The following STK3 variants were observed in gnomAD, a reference collection of about 807,000 sequenced individuals.
STK3 encodes serine/threonine kinase 3.
In STK3, 41 loss-of-function variants were observed where a neutral mutation model predicts 58.0. The observed-to-expected ratio is 0.71, with a 90% CI of 0.55 to 0.92. The LOEUF is 0.92. Among genes scored for constraint, STK3 ranks in the 40% least tolerant of loss-of-function variants. STK3 has a pLI of 0.00. For missense variants in STK3, 479 were observed against 602.7 expected, an observed-to-expected ratio of 0.79 and a Z score of 2.15; for synonymous variants, 170 against 191.0, an observed-to-expected ratio of 0.89 and a Z score of 0.91.
intron 8 of STK3, among the ~76,000 whole-genome samples, chr8:98,563,928 A>T (rs746040763): frequency 6.6e-6 from 1 of 152,138 alleles, no homozygotes; most frequent in Non-Finnish European, 1.5e-5. Flanking sequence ...ATCCTCAAGA[A>T]AGTGGAGAAT....
At chr8:98,844,847 G>A (rs1156456100) in intron 3 of STK3, among the ~76,000 whole-genome samples, 1 of 152,214 alleles carries the variant, frequency 6.6e-6, no homozygotes, top group Non-Finnish European at 1.5e-5. Context: ...TTCTAAATAT[G>A]CACTGGGGCA....
intron 1 of STK3, among the ~76,000 whole-genome samples, chr8:98,797,151 G>A (rs909462584): frequency 3.9e-5 from 6 of 152,208 alleles, no homozygotes; most frequent in Non-Finnish European, 7.3e-5. Context: ...GTTTACAGCA[G>A]CTACACTCAT....
intron 1 of STK3, among the ~76,000 whole-genome samples, chr8:98,792,896 A>ATGTGTGTGTGTGTG (rs34465301): frequency 3.2e-4 from 46 of 145,758 alleles, no homozygotes; most frequent in African/African-American, 1.2e-3. Flanking sequence ...AAGAGACTGT[A>ATGTGTGTGTGTGTG]TGTGTGTGTG....
At chr8:98,540,045 C>T (rs548970879) in intron 9 of STK3, among the ~76,000 whole-genome samples, 2 of 152,324 alleles carry the variant, frequency 1.3e-5, no homozygotes, top group African/African-American at 4.8e-5. Flanking sequence ...TGAGCCACTG[C>T]GCCCGGCCTC....
chr8:98,653,412 A>C (rs1366466414), intron 6 of STK3, among the ~76,000 whole-genome samples: 1 of 152,210 alleles, frequency 6.6e-6, no homozygotes, highest in African/African-American at 2.4e-5. Flanking sequence ...CTAATATCAC[A>C]ATTAAAAGAA....
intron 3 of STK3, among the ~76,000 whole-genome samples, chr8:98,761,120 C>T (rs533685915): frequency 7.0e-6 from 1 of 143,842 alleles, no homozygotes; most frequent in East Asian, 2.2e-4. Context: ...TGAAAGGTGA[C>T]TTTTTCTTTT....
chr8:98,369,483 G>A (rs1331410017), downstream of STK3, among the ~76,000 whole-genome samples: 6 of 152,114 alleles, frequency 3.9e-5, no homozygotes, highest in Non-Finnish European at 7.4e-5. Flanking sequence ...CTGGGCAGAA[G>A]GCTAGGTGGT....
chr8:98,527,941 C>T (rs369572203), intron 9 of STK3, among the ~76,000 whole-genome samples: 128 of 152,268 alleles, frequency 8.4e-4, no homozygotes, highest in Non-Finnish European at 1.6e-3. Context: ...ACAGCTCCCC[C>T]GACATATTCT....
At chr8:98,888,424 G>T (rs1472782683) in intron 1 of STK3, among the ~76,000 whole-genome samples, 3 of 152,180 alleles carry the variant, frequency 2.0e-5, no homozygotes, top group Non-Finnish European at 4.4e-5. Context: ...GGTGTCTGAG[G>T]CTTGCTCTGT....
At chr8:98,522,246 G>C (rs1424555110) in intron 10 of STK3, among the ~76,000 whole-genome samples, 3 of 152,158 alleles carry the variant, frequency 2.0e-5, no homozygotes, top group African/African-American at 4.8e-5. Context: ...TCTGAAAGTA[G>C]AGTACTGCAA....
chr8:98,445,616 C>T (rs1434897210), intron 1 of STK3, among the ~76,000 whole-genome samples: 1 of 151,756 alleles, frequency 6.6e-6, no homozygotes, highest in African/African-American at 2.4e-5. Flanking sequence ...TTGTAAATTG[C>T]CTTAATTAAA....
chr8:98,906,026 T>G (rs1587830039), intron 1 of STK3, among the ~76,000 whole-genome samples: 2 of 152,226 alleles, frequency 1.3e-5, no homozygotes, highest in South Asian at 4.1e-4. Flanking sequence ...ACGTGTGGGC[T>G]ACGGTCTGTT....
intron 1 of STK3, among the ~76,000 whole-genome samples, chr8:98,383,969 C>A (rs1817764897): frequency 1.3e-5 from 2 of 152,200 alleles, no homozygotes. Flanking sequence ...CCCACATATC[C>A]AGGTGAGACC....
At chr8:98,716,862 A>T (rs917925263) in intron 4 of STK3, among the ~76,000 whole-genome samples, 6 of 152,158 alleles carry the variant, frequency 3.9e-5, no homozygotes, top group African/African-American at 1.4e-4. Context: ...CCCAGAAATA[A>T]CCCTTGTATA....
intron 9 of STK3, among the ~76,000 whole-genome samples, chr8:98,530,855 G>C (rs1586792035): frequency 6.6e-6 from 1 of 152,216 alleles, no homozygotes; most frequent in African/African-American, 2.4e-5. Flanking sequence ...TTCACAAGGA[G>C]TAGATTCCAT....
chr8:98,353,129 A>C, the STK3 span, among the ~76,000 whole-genome samples: 5 of 152,340 alleles, frequency 3.3e-5, no homozygotes, highest in South Asian at 1.0e-3. Flanking sequence ...CATGCATAAA[A>C]TTATTTAAAA....
At chr8:98,623,287 G>A (rs1818464481) in intron 6 of STK3, among the ~76,000 whole-genome samples, 1 of 152,106 alleles carries the variant, frequency 6.6e-6, no homozygotes, top group African/African-American at 2.4e-5. Flanking sequence ...TGACTGTTAC[G>A]GACTGAATTG....
chr8:98,378,013 G>A (rs868042658), intron 2 of STK3, among the ~76,000 whole-genome samples: 3 of 152,176 alleles, frequency 2.0e-5, no homozygotes, highest in Non-Finnish European at 4.4e-5. Flanking sequence ...TTCAAGAGGT[G>A]TCTCCAGCAG....
chr8:98,596,823 A>G (rs1447916951), intron 6 of STK3, among the ~76,000 whole-genome samples: 1 of 152,092 alleles, frequency 6.6e-6, no homozygotes, highest in African/African-American at 2.4e-5. Flanking sequence ...CGCCTCCTAG[A>G]TAGTCACCCT....
Sources: gnomAD v4.1 joint callset for allele counts (sites outside exome capture counted in the v4.1 genomes callset) on GRCh38, gnomAD v4.1.1 for gene constraint, MANE v1.5 for transcripts, NCBI Gene and HGNC (gene_info 2026-07-23, HGNC 2026-07-21) for gene names.